Variants in BHMT2 observed in about 807,000 individuals in gnomAD.
BHMT2 encodes the protein betaine--homocysteine S-methyltransferase 2, also known as S-methylmethionine--homocysteine S-methyltransferase BHMT2.
Under a neutral mutation model 39.0 loss-of-function variants are expected in BHMT2, and 28 were observed. The observed-to-expected ratio is 0.72, with a 90% confidence interval of 0.53 to 0.98. The LOEUF is 0.98. Ranked by LOEUF, BHMT2 falls within the 50% of genes least tolerant of loss-of-function variation. BHMT2 has a pLI of 0.00. For missense variants in BHMT2, 410 were observed against 455.6 expected (o/e 0.90, Z 0.91); for synonymous variants, 145 against 160.6 (o/e 0.90, Z 0.74).
At chr5:79,079,526 G>A (rs764197017) in intron 3 of BHMT2, 66 bp downstream of exon 3, 3 of 1,119,946 alleles carry the variant, frequency 2.7e-6, no homozygotes, top group Non-Finnish European at 4.0e-6. Context: ...TTCATGGGAA[G>A]CTATGGAATT....
chr5:79,074,940 C>A (rs563536639), intron 1 of BHMT2, among the ~76,000 whole-genome samples: 1 of 152,168 alleles, frequency 6.6e-6, no homozygotes, highest in African/African-American at 2.4e-5. Context: ...AGAGTATGAA[C>A]GTGACTCTGA....
intron 7 of BHMT2, among the ~76,000 whole-genome samples, chr5:79,088,202 G>T (rs1755943316): frequency 6.6e-6 from 1 of 152,114 alleles, no homozygotes. Context: ...ATATGAAATT[G>T]AAATACGTTG....
At chr5:79,084,054 T>A (rs1187298789) in intron 7 of BHMT2, among the ~76,000 whole-genome samples, 198 bp downstream of exon 7, 2 of 152,160 alleles carry the variant, frequency 1.3e-5, no homozygotes, top group African/African-American at 2.4e-5. Flanking sequence ...TACCATAAAC[T>A]GGGTGGCTTA....
Position 79,070,895 on chromosome 5 carries a change from A to G in BHMT2, c.33+1080A>G, listed in dbSNP as rs556971397. On this transcript the variant is annotated intron_variant, in intron 1 of 7. Transcript: ENST00000255192. ...ACAATAATGGTAATAGTTACACAAG[A>G]TGTGGAATATTGGTTTAAAAAGCAT... Among the ~76,000 whole-genome samples, 4 of 152,336 alleles carry G rather than the reference A, an allele frequency of 2.6e-5. No homozygotes were observed. The South Asian group carries it at 8.3e-4, about 32-fold the overall frequency.
At chr5:79,081,720 C>T (rs1266545242) in intron 4 of BHMT2, among the ~76,000 whole-genome samples, 2 of 152,066 alleles carry the variant, frequency 1.3e-5, no homozygotes, top group African/African-American at 4.8e-5. Flanking sequence ...ATTAGCTGGG[C>T]ATGTTGGTGG....
rs1329456863 is a variant in BHMT2, at chr5:79,087,014, G to GTGTGCATATATATATA, written c.1011-1478_1011-1477insGTGCATATATATATAT. On this transcript the variant is annotated intron_variant, in intron 7 of 7. Transcript: ENST00000255192. ...TGTGTATGTATGTGTGTGTGTGTGT[G>GTGTGCATATATATATA]TATATATATATATATATATATATAT... 1.7e-3 allele frequency among the ~76,000 whole-genome samples: 199 copies of GTGTGCATATATATATA among 118,302 alleles called. 1 individual carries two copies. The highest frequency in any genetic ancestry group is 6.0e-3 in the African/African-American group (188 of 31,462). 77.6% of individuals were successfully genotyped at this position (118,302 alleles called of 152,430 possible).
chr5:79,073,380 T>G (rs1249789678), intron 1 of BHMT2, among the ~76,000 whole-genome samples: 1 of 152,214 alleles, frequency 6.6e-6, no homozygotes, highest in African/African-American at 2.4e-5. Context: ...GTAGCATTTA[T>G]TGGTCACATT....
intron 3 of BHMT2, among the ~76,000 whole-genome samples, chr5:79,079,888 T>C (rs929707179): frequency 6.6e-6 from 1 of 152,002 alleles, no homozygotes; most frequent in African/African-American, 2.4e-5. Flanking sequence ...AGACCCCATG[T>C]CAGCAAAAAA....
In BHMT2 at chr5:79,079,398, G is replaced by T. The variant is rs760335543; in HGVS notation, c.196G>T (p.Ala66Ser). 6.2e-7 allele frequency: 1 copy of T among 1,613,788 alleles called. No individual in the cohort carries two copies. Among genetic ancestry groups the T allele is most frequent in the Non-Finnish European group, 8.5e-7 (1 of 1,179,832 alleles). ...VRQLHMEFLR[A>S]GSNVMQTFTF... ...TCAACTTCACATGGAATTCTTGAGA[G>T]CAGGATCAAATGTCATGCAGACTTT... is the stretch of plus-strand genomic sequence containing the variant. Residue 66 changes from alanine (A) to serine (S), a missense_variant, in exon 3 of 8, where the codon GCA becomes TCA. Transcript: ENST00000255192.
At chr5:79,078,365 T>C (rs902748265) in intron 2 of BHMT2, among the ~76,000 whole-genome samples, 1 of 152,198 alleles carries the variant, frequency 6.6e-6, no homozygotes, top group African/African-American at 2.4e-5. Flanking sequence ...TCTTTTTTTG[T>C]GTGTTTGTTC....
intron 3 of BHMT2, 117 bp from the exon 4 acceptor site, chr5:79,080,570 G>A: frequency 1.2e-6 from 1 of 833,002 alleles, no homozygotes; most frequent in South Asian, 2.2e-5. Flanking sequence ...TTTTCTGCTT[G>A]CATTGAAGAG....
Position 79,079,437 on chromosome 5 carries a change from A to G in BHMT2, c.235A>G (p.Ser79Gly), listed in dbSNP as rs1343417402. ...NVMQTFTFSASEDNMESKWED... is the reference protein window; with the variant it reads ...NVMQTFTFSAGEDNMESKWED... The stretch of plus-strand genomic sequence containing the variant: ...CATGCAGACTTTTACCTTTTCTGCC[A>G]GTGAGGACAATATGGAAAGCAAGGT... Residue 79 changes from serine to glycine, a missense_variant, in exon 3 of 8, where the codon AGT (serine) becomes GGT (glycine). By Grantham distance (56) the Ser-to-Gly change is moderately conservative (BLOSUM62 0). Transcript: ENST00000255192. The G allele has an allele frequency of 1.2e-6, 2 of 1,613,762 alleles. No homozygotes were observed. Among genetic ancestry groups the G allele is most frequent in the Admixed American group, 3.3e-5 (2 of 60,022 alleles).
chr5:79,083,458 A>G lies in BHMT2; in HGVS notation c.781+84A>G, dbSNP rs1478004060. 6 of 1,500,972 alleles carry G rather than the reference A, an allele frequency of 4.0e-6. No individual in the cohort carries two copies. The South Asian group carries it at 6.8e-5, about 17-fold the overall frequency. 93.0% of individuals were successfully genotyped at this position (1,500,972 alleles called of 1,614,324 possible). On this transcript the variant is annotated intron_variant, in intron 6 of 7. Coordinates refer to ENST00000255192, the MANE Select transcript of BHMT2 (RefSeq NM_017614.5). ...ATAATAAATTGTGGCCCAGTTTTAC[A>G]ATAAGAGACTGCATATGACAAAACA...
At chr5:79,079,114 C>A (rs1755732837) in intron 2 of BHMT2, among the ~76,000 whole-genome samples, 1 of 152,306 alleles carries the variant, frequency 6.6e-6, no homozygotes. Context: ...GCCAGTCAGG[C>A]CTTAATCTCT....
rs1755958881 is a variant in BHMT2 at position 79,088,776 on chromosome 5, T to G, written c.*202T>G. The G allele has an allele frequency of 2.1e-6, 1 of 469,982 alleles. No individual in the cohort carries two copies. Among genetic ancestry groups the G allele is most frequent in the Non-Finnish European group, 3.9e-6 (1 of 256,626 alleles). The allele number at this position is 469,982 out of a possible 1,614,324, so 29.1% of individuals were successfully genotyped here. A position where few individuals can be genotyped will look rare whatever the true frequency, so the allele number is the denominator to read the frequency against. On this transcript the variant is annotated 3_prime_UTR_variant, in exon 8 of 8. Transcript: ENST00000255192. ...GCTGTGGTTAAGCACTGCAACAGAC[T>G]CTACCAGAGATGCAAAGAGAAGCGA... is the stretch of plus-strand genomic sequence containing the variant.
chr5:79,088,011 C>G (rs1352833873), intron 7 of BHMT2, among the ~76,000 whole-genome samples: 2 of 152,144 alleles, frequency 1.3e-5, no homozygotes, highest in Non-Finnish European at 2.9e-5. Context: ...GAGACCCTGT[C>G]TCTACTAAAA....
intron 1 of BHMT2, among the ~76,000 whole-genome samples, chr5:79,073,254 G>A (rs113869725): frequency 0.016 from 2,457 of 152,232 alleles, 63 homozygotes; most frequent in African/African-American, 0.056. Context: ...GTGAGCCACC[G>A]CGCCTGGCCT....
chr5:79,070,209 G>A (rs1480365014), intron 1 of BHMT2, among the ~76,000 whole-genome samples: 1 of 152,220 alleles, frequency 6.6e-6, no homozygotes, highest in African/African-American at 2.4e-5. Flanking sequence ...CTCGCCCGCA[G>A]CTCTTTGGGC....
At chr5:79,075,268 T>TA (rs1005903735) in intron 1 of BHMT2, among the ~76,000 whole-genome samples, 9 of 152,170 alleles carry the variant, frequency 5.9e-5, no homozygotes, top group African/African-American at 1.9e-4. Flanking sequence ...GCACACTCTG[T>TA]AAAAAAGAGT....
Sources: gnomAD v4.1 joint callset for allele counts (sites outside exome capture counted in the v4.1 genomes callset) on GRCh38, gnomAD v4.1.1 for gene constraint, MANE v1.5 for transcripts, NCBI Gene and HGNC (gene_info 2026-07-23, HGNC 2026-07-21) for gene names.